EYS: variants seen among roughly 807,000 people sequenced by gnomAD.
EYS encodes the protein EGF-like photoreceptor maintenance factor.
In EYS, 250 loss-of-function variants were observed where a neutral mutation model predicts 282.1. That is an observed-to-expected ratio of 0.89 (90% confidence interval 0.80 to 0.98). The LOEUF is 0.98. EYS is among the 50% of genes least tolerant of loss of function. The pLI is 0.00. For missense variants in EYS, 4,016 were observed against 3,709.0 expected (o/e 1.08, Z -2.15); for synonymous variants, 1,355 against 1,282.9 (o/e 1.06, Z -1.20).
intron 41 of EYS, among the ~76,000 whole-genome samples, chr6:63,729,994 T>C (rs950890885): frequency 1.3e-5 from 2 of 152,236 alleles, no homozygotes; most frequent in Non-Finnish European, 2.9e-5. Context: ...ATATGAGTTA[T>C]ATCGAACTTA....
intron 22 of EYS, among the ~76,000 whole-genome samples, chr6:64,731,787 T>A (rs138035874): frequency 6.6e-6 from 1 of 152,242 alleles, no homozygotes; most frequent in African/African-American, 2.4e-5. Context: ...GAAATACCAT[T>A]TGATCCAGCA....
intron 2 of EYS, among the ~76,000 whole-genome samples, chr6:65,539,184 A>C (rs1481741109): frequency 6.6e-6 from 1 of 152,230 alleles, no homozygotes; most frequent in African/African-American, 2.4e-5. Flanking sequence ...AAAAATATGC[A>C]TCATTGCATC....
chr6:65,693,588 C>G (rs1172950790), intron 1 of EYS, among the ~76,000 whole-genome samples: 1 of 149,306 alleles, frequency 6.7e-6, no homozygotes, highest in Non-Finnish European at 1.5e-5. Flanking sequence ...CTGCAGAAGT[C>G]ACTAGTCTGA....
chr6:65,111,537 G>T (rs1011523138), intron 12 of EYS, among the ~76,000 whole-genome samples: 1 of 151,712 alleles, frequency 6.6e-6, no homozygotes, highest in South Asian at 2.1e-4. Context: ...CCTTTATTTT[G>T]GACTGCCTGC....
At chr6:64,615,445 A>T (rs532237359) in intron 24 of EYS, among the ~76,000 whole-genome samples, 30 of 152,184 alleles carry the variant, frequency 2.0e-4, no homozygotes, top group Non-Finnish European at 3.7e-4. Flanking sequence ...CGTGCTACAA[A>T]TATTTTATCA....
intron 26 of EYS, among the ~76,000 whole-genome samples, chr6:64,504,273 C>G (rs1486174802): frequency 2.6e-5 from 4 of 152,072 alleles, no homozygotes; most frequent in Non-Finnish European, 5.9e-5. Flanking sequence ...TAATTATTCC[C>G]TCAAGTTTTA....
At chr6:64,660,121 A>G (rs1344033378) in intron 22 of EYS, among the ~76,000 whole-genome samples, 1 of 152,168 alleles carries the variant, frequency 6.6e-6, no homozygotes, top group Non-Finnish European at 1.5e-5. Context: ...TATAAACAGA[A>G]CCAACGACAA....
At chr6:65,544,974 T>C (rs960762058) in intron 2 of EYS, among the ~76,000 whole-genome samples, 3 of 152,168 alleles carry the variant, frequency 2.0e-5, no homozygotes, top group African/African-American at 4.8e-5. Flanking sequence ...TTTAAAGTTT[T>C]ATGTAAAAAG....
At chr6:65,316,922 C>A (rs985168647) in intron 11 of EYS, among the ~76,000 whole-genome samples, 1 of 152,096 alleles carries the variant, frequency 6.6e-6, no homozygotes, top group Non-Finnish European at 1.5e-5. Flanking sequence ...CTATTGTGAA[C>A]AGTGCTGCAA....
chr6:65,498,447 C>T (rs1440011943), intron 2 of EYS, among the ~76,000 whole-genome samples: 1 of 151,900 alleles, frequency 6.6e-6, no homozygotes, highest in Admixed American at 6.6e-5. Flanking sequence ...TGCGAGGAAA[C>T]AAATTACATT....
In EYS at chr6:65,508,191, G is replaced by A. The variant is rs145898910; in HGVS notation, c.-332-12198C>T. 7.9e-5 allele frequency among the ~76,000 whole-genome samples: 12 copies of A among 152,194 alleles called. No individual in the cohort carries two copies. In the East Asian group the frequency reaches 1.7e-3, roughly 22 times the overall value. ...TCCCTTTTGCTTTGGACTTTCCTAA[G>A]TACTCATCTACAGAGAATGTCTATG... On this transcript the variant is annotated intron_variant, in intron 2 of 42. Coordinates refer to ENST00000503581, the MANE Select transcript of EYS (RefSeq NM_001142800.2).
At chr6:64,766,649 A>AAAAAAAATATATATATATATAT (rs1387919586) in intron 22 of EYS, among the ~76,000 whole-genome samples, 2 of 19,064 alleles carry the variant, frequency 1.0e-4, no homozygotes, top group African/African-American at 3.6e-4. Context: ...AAAAAAAAAA[A>AAAAAAAATATATATATATATAT]ATATATATAT....
intron 11 of EYS, among the ~76,000 whole-genome samples, chr6:65,316,192 T>C (rs1769290777): frequency 6.6e-6 from 1 of 152,198 alleles, no homozygotes; most frequent in South Asian, 2.1e-4. Context: ...CTCTGTGGCT[T>C]GTTTTTATAG....
intron 12 of EYS, among the ~76,000 whole-genome samples, chr6:65,084,952 A>T (rs1323230775): frequency 6.6e-6 from 1 of 152,140 alleles, no homozygotes; most frequent in Non-Finnish European, 1.5e-5. Context: ...ATCTCAGGCT[A>T]TATTCCTAAG....
chr6:64,331,613 C>A (rs1170103031), intron 29 of EYS, among the ~76,000 whole-genome samples: 2 of 145,720 alleles, frequency 1.4e-5, no homozygotes, highest in African/African-American at 2.5e-5. Flanking sequence ...CCGCCCAGTT[C>A]ATAAAAGTTT....
At chr6:64,559,270 C>CGT (rs1491557426) in intron 26 of EYS, among the ~76,000 whole-genome samples, 2,343 of 82,012 alleles carry the variant, frequency 0.029, 29 homozygotes, top group Non-Finnish European at 0.04. Flanking sequence ...TGTGTGTGTG[C>CGT]ATGTGTGTGT....
Position 65,443,392 on chromosome 6 carries a change from A to ATGTATGTACACATATAGCCATATATG in EYS, c.863-38026_863-38025insCATATATGGCTATATGTGTACATACA, listed in dbSNP as rs1554197239. Among the ~76,000 whole-genome samples, 52 of 126,134 alleles carry ATGTATGTACACATATAGCCATATATG rather than the reference A, an allele frequency of 4.1e-4. 12 individuals carry two copies. Among genetic ancestry groups the ATGTATGTACACATATAGCCATATATG allele is most frequent in the Middle Eastern group, 4.1e-3 (1 of 242 alleles). 82.7% of individuals were successfully genotyped at this position (126,134 alleles called of 152,430 possible). On this transcript the variant is annotated intron_variant, in intron 5 of 42. Transcript: ENST00000503581. ...TATGTACACATATAGACATATATGC[A>ATGTATGTACACATATAGCCATATATG]TACATGTATGTACACATATAGCCAT...
At chr6:64,678,229 A>G (rs893124251) in intron 22 of EYS, among the ~76,000 whole-genome samples, 2 of 151,986 alleles carry the variant, frequency 1.3e-5, no homozygotes, top group African/African-American at 4.8e-5. Context: ...CTTACTTACT[A>G]TTTTTGATAC....
chr6:63,959,913 G>A (rs1765982705), intron 35 of EYS, among the ~76,000 whole-genome samples: 1 of 151,906 alleles, frequency 6.6e-6, no homozygotes, highest in South Asian at 2.1e-4. Flanking sequence ...ATGCATGTGG[G>A]GCTTAAAACC....
Sources: allele counts gnomAD v4.1 joint callset (sites outside exome capture counted in the v4.1 genomes callset), GRCh38; gene constraint gnomAD v4.1.1; transcripts MANE v1.5; gene names NCBI Gene and HGNC (gene_info 2026-07-23, HGNC 2026-07-21).